NLRP8: variants seen among roughly 807,000 people sequenced by gnomAD.
NLRP8 encodes NACHT, LRR and PYD domains-containing protein 8.
NLRP8 carries 86 observed loss-of-function variants against 88.7 expected under a neutral mutation model. The ratio of observed to expected loss-of-function variants is 0.97; its 90% CI spans 0.81 to 1.16. The LOEUF (loss-of-function observed/expected upper bound fraction) is 1.16, where lower values mean the gene tolerates loss of function less well. NLRP8 is among the 50% of genes most tolerant of loss of function. The probability of loss-of-function intolerance (pLI) is 0.00; values close to 1 mark genes in which losing one functional copy is unlikely to be tolerated. For synonymous variants in NLRP8, 504 were observed against 494.6 expected (o/e 1.02, Z -0.25); for missense variants, 1,342 against 1,286.5 (o/e 1.04, Z -0.66).
At chr19:55,960,818 T>TGTG (rs1568462069) in intron 3 of NLRP8, among the ~76,000 whole-genome samples, 6 of 152,196 alleles carry the variant, frequency 3.9e-5, no homozygotes, top group Middle Eastern at 3.4e-3. Flanking sequence ...AATGAAGTAT[T>TGTG]CTTTGAAAAA....
chr19:55,987,498 G>A (rs528325668), intron 9 of NLRP8, among the ~76,000 whole-genome samples: 15 of 152,280 alleles, frequency 9.9e-5, no homozygotes, highest in African/African-American at 3.4e-4. Context: ...ATGGTTAACC[G>A]TAACTTAGTT....
At chr19:55,959,156 G>C (rs911562847) in intron 3 of NLRP8, among the ~76,000 whole-genome samples, 1 of 151,686 alleles carries the variant, frequency 6.6e-6, no homozygotes, top group African/African-American at 2.4e-5. Context: ...GGGATTACAG[G>C]TGTGAGCCAC....
intron 6 of NLRP8, among the ~76,000 whole-genome samples, chr19:55,971,144 A>C (rs1980056674): frequency 6.6e-6 from 1 of 152,072 alleles, no homozygotes; most frequent in South Asian, 2.1e-4. Context: ...GTTGCTTTGA[A>C]TTTTACATAA....
intron 1 of NLRP8, among the ~76,000 whole-genome samples, chr19:55,950,600 ACCT>A: frequency 6.6e-6 from 1 of 152,266 alleles, no homozygotes; most frequent in East Asian, 1.9e-4. Flanking sequence ...AATCGAGCTG[ACCT>A]CCTAGCCGAG....
chr19:55,976,063 CGTTGTT>C (rs373685679), intron 7 of NLRP8, 64 bp from the exon 8 acceptor site: 25 of 1,305,098 alleles, frequency 1.9e-5, no homozygotes, highest in Non-Finnish European at 2.4e-5. Context: ...AGGGTGTTTT[CGTTGTT>C]GTTGTTGTTG....
chr19:55,974,563 C>T (rs1184214365), intron 7 of NLRP8, among the ~76,000 whole-genome samples: 4 of 151,762 alleles, frequency 2.6e-5, no homozygotes, highest in South Asian at 2.1e-4. Flanking sequence ...AGTGAAACCC[C>T]GTCTCTACTA....
At position 55,973,777 on chromosome 19, in the gene NLRP8, T is replaced by C. The variant is rs1255079314; in HGVS notation, c.2660T>C (p.Ile887Thr). 6.2e-7 allele frequency: 1 copy of C among 1,614,006 alleles called. No individual in the cohort carries two copies. Among genetic ancestry groups the C allele is most frequent in the Non-Finnish European group, 8.5e-7 (1 of 1,179,944 alleles). The change falls in exon 7 of 10, where the codon ATT (isoleucine) becomes ACT (threonine). Residue 887 changes from isoleucine to threonine, a missense_variant. Ile to Thr is a moderately conservative substitution (Grantham distance 89). Coordinates refer to ENST00000291971, the MANE Select transcript of NLRP8 (RefSeq NM_176811.2). ...TTGAAAGATGAAGGGGCCAAGCATA[T>C]TTGGAATGCCCTGCCACACCTGAGA...
intron 9 of NLRP8, among the ~76,000 whole-genome samples, chr19:55,986,331 C>G (rs201730966): frequency 1.9e-5 from 2 of 107,750 alleles, no homozygotes; most frequent in African/African-American, 4.0e-5. Flanking sequence ...CACACACACT[C>G]TCTGTCTCAC....
intron 6 of NLRP8, among the ~76,000 whole-genome samples, chr19:55,971,859 A>G (rs1055820038): frequency 6.6e-6 from 1 of 152,088 alleles, no homozygotes; most frequent in African/African-American, 2.4e-5. Context: ...GTTATTGCCA[A>G]TCTGTTGGGC....
intron 4 of NLRP8, among the ~76,000 whole-genome samples, chr19:55,962,882 G>A (rs747283961): frequency 6.8e-4 from 104 of 152,292 alleles, no homozygotes; most frequent in Non-Finnish European, 3.8e-4. Context: ...ACCTGAAGTG[G>A]AATCAGCACA....
In NLRP8 at chr19:55,987,931, C is replaced by T. The variant is rs752022931; in HGVS notation, c.*18C>T. 76 of 1,573,888 alleles carry T rather than the reference C, an allele frequency of 4.8e-5. No homozygotes were observed. Among genetic ancestry groups the T allele is most frequent in the Admixed American group, 2.2e-4 (13 of 59,924 alleles). On this transcript the variant is annotated 3_prime_UTR_variant, in exon 10 of 10. Coordinates refer to ENST00000291971, the MANE Select transcript of NLRP8 (RefSeq NM_176811.2). ...ATCCTTAGGCCGTCCAGTCATCTTT[C>T]TCTGGGGCTTGATTGATCAGTTCCC...
intron 1 of NLRP8, among the ~76,000 whole-genome samples, chr19:55,951,265 AAT>A (rs1201281196): frequency 1.3e-5 from 2 of 152,172 alleles, no homozygotes; most frequent in African/African-American, 4.8e-5. Flanking sequence ...AATAATCAAC[AAT>A]ATGTACTAAA....
rs781361105 is a variant in NLRP8, at chr19:55,979,367, T to TG, written c.2877-26dup. 838 of 1,612,180 alleles carry TG rather than the reference T, an allele frequency of 5.2e-4. 9 individuals are homozygous for TG. Among genetic ancestry groups the TG allele is most frequent in the Non-Finnish European group, 1.6e-4 (188 of 1,179,626 alleles). ...AGATGAGTTGTGATGACTTCTCTGCTGTCTGCTGTCTGTTTCTGTGTCACA... is the reference window on the plus strand; with the variant it reads ...AGATGAGTTGTGATGACTTCTCTGCTGGTCTGCTGTCTGTTTCTGTGTCACA... On this transcript the variant is annotated intron_variant, in intron 8 of 9. Coordinates refer to ENST00000291971, the MANE Select transcript of NLRP8 (RefSeq NM_176811.2).
At chr19:55,977,097 CAT>C (rs887278656) in intron 8 of NLRP8, among the ~76,000 whole-genome samples, 14 of 145,602 alleles carry the variant, frequency 9.6e-5, no homozygotes, top group African/African-American at 3.3e-4. Context: ...AAAAAAGATA[CAT>C]ATATACATAT....
At position 55,948,284 on chromosome 19, in the gene NLRP8, G is replaced by T; in HGVS notation, c.367+15G>T. ...AGAGATAAATGGTGAGTGTTGATCTGGTGGATAAAGTGGGGGTGGGCTTGG... is the reference window on the plus strand; with the variant it reads ...AGAGATAAATGGTGAGTGTTGATCTTGTGGATAAAGTGGGGGTGGGCTTGG... On this transcript the variant is annotated intron_variant, in intron 1 of 9. Coordinates refer to ENST00000291971, the MANE Select transcript of NLRP8 (RefSeq NM_176811.2). 1 of 1,588,502 alleles carries T rather than the reference G, an allele frequency of 6.3e-7. No homozygotes were observed. Among genetic ancestry groups the T allele is most frequent in the South Asian group, 1.1e-5 (1 of 88,954 alleles).
chr19:55,987,852 C>T lies in NLRP8; in HGVS notation c.3086C>T (p.Pro1029Leu). The T allele has an allele frequency of 1.2e-6, 2 of 1,614,076 alleles. No homozygotes were observed. Among genetic ancestry groups the T allele is most frequent in the South Asian group, 1.1e-5 (1 of 91,072 alleles). The stretch of plus-strand genomic sequence containing the variant: ...TGGACTCGAATAACTAGCTTCTCCC[C>T]AACTCCTCACCCACCCGACTTCACG... Residue 1029 changes from proline to leucine, a missense_variant, in exon 10 of 10, where the codon CCA becomes CTA. Physicochemically the swap from Pro to Leu is moderately conservative, Grantham distance 98. Coordinates refer to ENST00000291971, the MANE Select transcript of NLRP8 (RefSeq NM_176811.2).
At position 55,976,186 on chromosome 19, in the gene NLRP8, T is replaced by C; in HGVS notation, c.2759T>C (p.Leu920Pro). The C allele has an allele frequency of 6.2e-7, 1 of 1,613,746 alleles. No individual in the cohort carries two copies. The highest frequency in any genetic ancestry group is 8.5e-7 in the Non-Finnish European group (1 of 1,179,954). The change falls in exon 8 of 10, where the codon CTC becomes CCC. Residue 920 changes from leucine to proline, a missense_variant. Physicochemically the swap from Leu to Pro is moderately conservative, Grantham distance 98. Transcript: ENST00000291971. ...TGCTGTCAGGATATGATCTCTGCGC[T>C]CTGTAAAAATAAAACCCTGAAAAGT...
intron 8 of NLRP8, among the ~76,000 whole-genome samples, chr19:55,977,485 A>G (rs948472608): frequency 1.4e-4 from 21 of 145,420 alleles, no homozygotes; most frequent in African/African-American, 5.2e-4. Context: ...TTATATATAC[A>G]TAATTTATAT....
At chr19:55,968,118 G>T (rs887653568) in intron 5 of NLRP8, among the ~76,000 whole-genome samples, 1 of 152,154 alleles carries the variant, frequency 6.6e-6, no homozygotes, top group Admixed American at 6.5e-5. Flanking sequence ...CAAAATATTC[G>T]TTTAATAATT....
Sources: gnomAD v4.1 joint callset for allele counts (sites outside exome capture counted in the v4.1 genomes callset) on GRCh38, gnomAD v4.1.1 for gene constraint, MANE v1.5 for transcripts, NCBI Gene and HGNC (gene_info 2026-07-23, HGNC 2026-07-21) for gene names.